KIF1A: variants seen among roughly 807,000 people sequenced by gnomAD.
KIF1A encodes the protein kinesin family member 1A, also known as kinesin-like protein KIF1A.
KIF1A carries 46 observed loss-of-function variants against 227.3 expected under a neutral mutation model. The ratio of observed to expected loss-of-function variants is 0.20; its 90% CI spans 0.16 to 0.26. The LOEUF (loss-of-function observed/expected upper bound fraction) is 0.26, where lower values mean the gene tolerates loss of function less well. KIF1A is among the 10% of genes least tolerant of loss of function. The pLI is 1.00. For missense variants in KIF1A, 1,683 were observed against 2,485.9 expected (o/e 0.68, Z 6.87); for synonymous variants, 1,022 against 1,012.8 (o/e 1.01, Z -0.17).
At chr2:240,782,448 T>A in intron 10 of KIF1A, 142 bp downstream of exon 10, 2 of 1,029,688 alleles carry the variant, frequency 1.9e-6, no homozygotes, top group Non-Finnish European at 2.8e-6. Context: ...CCCGCTTTCT[T>A]CCTTCCCGGG....
At chr2:240,783,886 C>T (rs993511067) in intron 7 of KIF1A, 70 bp from the exon 8 acceptor site, 7 of 1,203,720 alleles carry the variant, frequency 5.8e-6, no homozygotes, top group Middle Eastern at 1.9e-4. Context: ...GACCCCTGGG[C>T]AAGGTCTCCA....
At chr2:240,819,604 G>T (rs1468872666) in intron 1 of KIF1A, among the ~76,000 whole-genome samples, 5 of 151,316 alleles carry the variant, frequency 3.3e-5, no homozygotes, top group Middle Eastern at 3.4e-3. Context: ...GCCGCCCTGC[G>T]CGCTCTCCCC....
intron 10 of KIF1A, chr2:240,782,084 C>T (rs987705087): frequency 3.9e-5 from 38 of 985,266 alleles, no homozygotes; most frequent in Non-Finnish European, 4.6e-5. Flanking sequence ...TCACGGCTGC[C>T]CACGCGGTTC....
intron 32 of KIF1A, among the ~76,000 whole-genome samples, chr2:240,744,763 CA>C (rs1174253410): frequency 6.6e-6 from 1 of 152,200 alleles, no homozygotes; most frequent in Non-Finnish European, 1.5e-5. Flanking sequence ...TAGATGCCCC[CA>C]CCTGTGGTGC....
chr2:240,719,122 C>T lies in KIF1A; in HGVS notation c.5098G>A (p.Val1700Met). The change falls in exon 47 of 49, where the codon GTG (valine) becomes ATG (methionine). Residue 1700 changes from valine (V) to methionine (M), a missense_variant. Physicochemically the swap from Val to Met is conservative, Grantham distance 21. Around this residue, in one of 12 missense-constraint regions of KIF1A, gnomAD observed 384 missense variants for 410.1 expected, o/e 0.94. Coordinates refer to ENST00000498729, the MANE Select transcript of KIF1A (RefSeq NM_001244008.2). ...TACATGTAGGCATAGGGGCGCCGCA[C>T]CACCACGAAGCGCCTGGCCCAGCCT... ...TSGWARRFVVVRRPYAYMYNS... is the reference protein window; with the variant it reads ...TSGWARRFVVMRRPYAYMYNS... The T allele has an allele frequency of 6.2e-7, 1 of 1,612,528 alleles. No homozygotes were observed.
At position 240,790,057 on chromosome 2, in the gene KIF1A, A is replaced by G. The variant is rs556278312; in HGVS notation, c.107-745T>C. On this transcript the variant is annotated intron_variant, in intron 2 of 48. Transcript: ENST00000498729. The surrounding 1 kb of genome is among the most constrained non-coding windows in gnomAD (Gnocchi z 5.0). ...AGCTCCTCCCACCCACACAGCCTGC[A>G]AGTATCTCAGGGACCCAGCACACCC... Among the ~76,000 whole-genome samples the G allele has an allele frequency of 6.6e-6, 1 of 152,246 alleles. No homozygotes were observed. Among genetic ancestry groups the G allele is most frequent in the South Asian group, 2.1e-4 (1 of 4,824 alleles).
At chr2:240,773,559 T>A (rs909041911) in intron 12 of KIF1A, among the ~76,000 whole-genome samples, 5 of 152,270 alleles carry the variant, frequency 3.3e-5, no homozygotes, top group African/African-American at 1.2e-4. Flanking sequence ...TCTCCCCCAG[T>A]GGTCCCAGGG....
At chr2:240,741,180 G>T in intron 35 of KIF1A, 89 bp downstream of exon 35, 1 of 853,394 alleles carries the variant, frequency 1.2e-6, no homozygotes, top group Non-Finnish European at 1.8e-6. Context: ...CTGGATGCTG[G>T]CAACCCTCAG....
At position 240,740,472 on chromosome 2, in the gene KIF1A, C is replaced by T; in HGVS notation, c.3750-108G>A. 1 of 895,714 alleles carries T rather than the reference C, an allele frequency of 1.1e-6. No individual in the cohort carries two copies. The highest frequency in any genetic ancestry group is 2.5e-5 in the East Asian group (1 of 40,216). 55.5% of individuals were successfully genotyped at this position (895,714 alleles called of 1,614,324 possible). On this transcript the variant is annotated intron_variant, in intron 35 of 48. Transcript: ENST00000498729. This position sits in a 1 kb window ranked among gnomAD's most constrained non-coding sequence, Gnocchi z 6.1. ...AAAAACAGGGAAAAGTCAGCAGCTC[C>T]CTCTGGTGAAGATCAGGTGGTCTGA...
chr2:240,721,673 C>G (rs1354060613), intron 44 of KIF1A, 134 bp downstream of exon 44: 1 of 750,422 alleles, frequency 1.3e-6, no homozygotes, highest in Non-Finnish European at 2.3e-6. Flanking sequence ...TGAGGTGTCC[C>G]TCTGCACTGA....
chr2:240,760,619 C>T, intron 25 of KIF1A, 46 bp downstream of exon 25: 2 of 1,402,526 alleles, frequency 1.4e-6, no homozygotes, highest in Non-Finnish European at 9.3e-7. Context: ...TCAGCCCTGC[C>T]CAGGAGGACC....
intron 42 of KIF1A, among the ~76,000 whole-genome samples, chr2:240,722,867 C>T (rs1021990474): frequency 6.6e-6 from 1 of 152,212 alleles, no homozygotes; most frequent in Non-Finnish European, 1.5e-5. Flanking sequence ...CCACCCCAGC[C>T]CTGCCACCTT....
Position 240,747,332 on chromosome 2 carries a change from A to C in KIF1A, c.2978-11T>G, listed in dbSNP as rs753122620. On this transcript the variant is annotated splice_polypyrimidine_tract_variant and intron_variant, in intron 28 of 48. Transcript: ENST00000498729. ...GGGCCTCTTCATCGGCTGCAGGAGA[A>C]ACAGAGCAAATGGTTGGAGCCCAGC... 2 of 1,610,744 alleles carry C rather than the reference A, an allele frequency of 1.2e-6. No homozygotes were observed. Among genetic ancestry groups the C allele is most frequent in the South Asian group, 2.2e-5 (2 of 90,932 alleles).
rs577424723 is a variant in KIF1A, at chr2:240,731,618, C to T, written c.4008-4678G>A. ...TCAGAGGCAGTGCAGGTCAGGGGCT[C>T]GGCCCTGACCGGGAGCTGCCTTTTC... On this transcript the variant is annotated intron_variant, in intron 38 of 48. Transcript: ENST00000498729. Among the ~76,000 whole-genome samples, 7 of 152,302 alleles carry T rather than the reference C, an allele frequency of 4.6e-5. No homozygotes were observed. In the South Asian group the frequency reaches 8.3e-4, roughly 18 times the overall value.
chr2:240,780,812 A>AG (rs2053622283), intron 10 of KIF1A, among the ~76,000 whole-genome samples: 1 of 98,252 alleles, frequency 1.0e-5, no homozygotes, highest in African/African-American at 6.3e-5. Context: ...ACACACACAC[A>AG]CACACACACA....
intron 17 of KIF1A, among the ~76,000 whole-genome samples, chr2:240,768,642 A>G (rs1183688732): frequency 6.6e-6 from 1 of 152,138 alleles, no homozygotes; most frequent in Non-Finnish European, 1.5e-5. Flanking sequence ...GCAGCTGCCC[A>G]GGGGTTCTGT....
intron 1 of KIF1A, among the ~76,000 whole-genome samples, chr2:240,816,151 T>A (rs1276054671): frequency 1.7e-5 from 2 of 116,192 alleles, no homozygotes; most frequent in Non-Finnish European, 4.2e-5. Context: ...GGATGCAGAG[T>A]GTGTGTGTGT....
intron 10 of KIF1A, among the ~76,000 whole-genome samples, chr2:240,776,434 C>T (rs1233282006): frequency 6.6e-6 from 1 of 152,228 alleles, no homozygotes. Context: ...CCCGCCCTCT[C>T]CCCCATCAAA....
At chr2:240,764,702 ACACCCTCC>A (rs1472374852) in intron 20 of KIF1A, among the ~76,000 whole-genome samples, 2 of 152,060 alleles carry the variant, frequency 1.3e-5, no homozygotes, top group East Asian at 1.9e-4. Context: ...TGATTCAGCC[ACACCCTCC>A]CTGGGTGTTG....
Sources: allele counts gnomAD v4.1 joint callset (sites outside exome capture counted in the v4.1 genomes callset), GRCh38; gene constraint gnomAD v4.1.1; regional missense constraint gnomAD v4.1.1; non-coding constraint Gnocchi (gnomAD v3.1); transcripts MANE v1.5; gene names NCBI Gene and HGNC (gene_info 2026-07-23, HGNC 2026-07-21).